The following BRMS1 variants were observed in gnomAD, a reference collection of about 807,000 sequenced individuals.
The protein encoded by BRMS1 is breast cancer metastasis-suppressor 1.
In BRMS1, 26 loss-of-function variants were observed where a neutral mutation model predicts 40.4. The observed-to-expected ratio is 0.64, with a 90% CI of 0.47 to 0.89. The LOEUF (loss-of-function observed/expected upper bound fraction) is 0.89, where lower values mean the gene tolerates loss of function less well. Ranked by LOEUF, BRMS1 falls within the 40% of genes least tolerant of loss-of-function variation. The pLI, the probability that BRMS1 is intolerant of heterozygous loss-of-function variation, is 0.00. For missense variants in BRMS1, 289 were observed against 309.4 expected, an observed-to-expected ratio of 0.93 and a Z score of 0.49; for synonymous variants, 103 against 116.0, an observed-to-expected ratio of 0.89 and a Z score of 0.72.
At chr11:66,338,604 C>T (rs1450997332) in intron 8 of BRMS1, 117 bp downstream of exon 8, 1 of 1,580,336 alleles carries the variant, frequency 6.3e-7, no homozygotes, top group South Asian at 1.1e-5. Flanking sequence ...GGACTCTGGG[C>T]TGAAGATGGG....
Position 66,337,552 on chromosome 11 carries a change from G to T in BRMS1, c.*330C>A. ...AGCCTGCATCCAACATCAGCAAGAGGATGTGGCTTTGACTTCGGCTGTCTT... is the reference window on the plus strand; with the variant it reads ...AGCCTGCATCCAACATCAGCAAGAGTATGTGGCTTTGACTTCGGCTGTCTT... On this transcript the variant is annotated 3_prime_UTR_variant, in exon 10 of 10. Coordinates refer to ENST00000359957, the MANE Select transcript of BRMS1 (RefSeq NM_015399.4). The T allele has an allele frequency of 1.2e-6, 1 of 836,546 alleles. No individual in the cohort carries two copies. Among genetic ancestry groups the T allele is most frequent in the Non-Finnish European group, 1.8e-6 (1 of 548,582 alleles). The allele number at this position is 836,546 out of a possible 1,614,324, so 51.8% of individuals were successfully genotyped here.
At chr11:66,338,855 C>G in intron 7 of BRMS1, 70 bp from the exon 8 acceptor site, 2 of 1,440,756 alleles carry the variant, frequency 1.4e-6, no homozygotes, top group Non-Finnish European at 1.9e-6. Context: ...ACCTGACATT[C>G]AGGAGTGGGG....
At chr11:66,338,014 C>A in intron 9 of BRMS1, 125 bp from the exon 10 acceptor site, 1 of 1,213,314 alleles carries the variant, frequency 8.2e-7, no homozygotes, top group East Asian at 2.4e-5. Flanking sequence ...ACAGCCCTCC[C>A]TGACCCCTCC....
Position 66,337,489 on chromosome 11 carries a change from G to A in BRMS1, c.*393C>T, listed in dbSNP as rs891664406. The A allele has an allele frequency of 2.3e-5, 14 of 605,746 alleles. No individual in the cohort carries two copies. Among genetic ancestry groups the A allele is most frequent in the South Asian group, 8.4e-5 (4 of 47,640 alleles). 37.5% of individuals were successfully genotyped at this position (605,746 alleles called of 1,614,324 possible). On this transcript the variant is annotated 3_prime_UTR_variant, in exon 10 of 10. Coordinates refer to ENST00000359957, the MANE Select transcript of BRMS1 (RefSeq NM_015399.4). Reference sequence around the variant, plus strand: ...TAATCACGTCTGACTCAGAGTTCCCGCACAGTGGAAACTGGCTCCCTGGCC... The same window carrying A: ...TAATCACGTCTGACTCAGAGTTCCCACACAGTGGAAACTGGCTCCCTGGCC...
In BRMS1 at chr11:66,341,553, C is replaced by G. The variant is rs759834920; in HGVS notation, c.210G>C (p.Gln70His). 18 of 1,614,026 alleles carry G rather than the reference C, an allele frequency of 1.1e-5. No individual in the cohort carries two copies. The highest frequency in any genetic ancestry group is 1.4e-5 in the Non-Finnish European group (17 of 1,180,024). Residue 70 changes from glutamine (Q) to histidine (H), a missense_variant, in exon 3 of 10, where the codon CAG (glutamine) becomes CAC (histidine). By Grantham distance (24) the Gln-to-His change is conservative. Coordinates refer to ENST00000359957, the MANE Select transcript of BRMS1 (RefSeq NM_015399.4). The surrounding 1 kb of genome is among the most constrained non-coding windows in gnomAD (Gnocchi z 4.9). ...CVSEMLDLEK[Q>H]FSELKEKLFR... ...CTCACTTCTCCTTTAGCTCCGAGAA[C>G]TGCTTCTCTAGGTCCAGCATCTCAC...
intron 1 of BRMS1, chr11:66,344,475 C>CTGTT (rs1855158259): frequency 6.6e-6 from 1 of 152,250 alleles, no homozygotes; most frequent in Non-Finnish European, 1.5e-5. Context: ...TGCCTCTTCA[C>CTGTT]TGTTAGTATA....
chr11:66,340,980 T>C lies in BRMS1; in HGVS notation c.425A>G (p.Lys142Arg). Residue 142 changes from lysine to arginine, a missense_variant, in exon 5 of 10, where the codon AAA becomes AGA. Lys to Arg is a conservative substitution (Grantham distance 26). Coordinates refer to ENST00000359957, the MANE Select transcript of BRMS1 (RefSeq NM_015399.4). The part of the protein sequence containing the change: ...NKYECELQGA[K>R]QHLESEKLLL... ...AATCAGGCCCACCTCCAGGTGCTGT[T>C]TGGCTCCCTGCAGCTCACATTCGTA... 1 of 1,614,142 alleles carries C rather than the reference T, an allele frequency of 6.2e-7. No individual in the cohort carries two copies. The highest frequency in any genetic ancestry group is 8.5e-7 in the Non-Finnish European group (1 of 1,180,010).
chr11:66,337,947 G>C, intron 9 of BRMS1, 58 bp from the exon 10 acceptor site: 3 of 1,558,442 alleles, frequency 1.9e-6, no homozygotes, highest in Non-Finnish European at 1.8e-6. Flanking sequence ...AAGGAAGGAG[G>C]CAGCCACTTA....
At chr11:66,338,971 C>T (rs1404766879) in intron 7 of BRMS1, among the ~76,000 whole-genome samples, 186 bp from the exon 8 acceptor site, 1 of 152,128 alleles carries the variant, frequency 6.6e-6, no homozygotes, top group Admixed American at 6.5e-5. Context: ...GGAACCAAGT[C>T]TATGGAGGAC....
intron 1 of BRMS1, among the ~76,000 whole-genome samples, chr11:66,343,106 T>C (rs190407407): frequency 6.6e-6 from 1 of 152,302 alleles, no homozygotes. Flanking sequence ...ACCTCACCCA[T>C]TCCACCTAAC....
At position 66,341,564 on chromosome 11, in the gene BRMS1, G is replaced by C. The variant is rs1431736990; in HGVS notation, c.199C>G (p.Leu67Val). The change falls in exon 3 of 10, where the codon CTA becomes GTA. Residue 67 changes from leucine to valine, a missense_variant. Coordinates refer to ENST00000359957, the MANE Select transcript of BRMS1 (RefSeq NM_015399.4). This position sits in a 1 kb window ranked among gnomAD's most constrained non-coding sequence, Gnocchi z 4.9. Reference protein sequence around the residue: ...RSECVSEMLDLEKQFSELKEK... With the variant: ...RSECVSEMLDVEKQFSELKEK... Reference sequence around the variant, plus strand: ...TTTAGCTCCGAGAACTGCTTCTCTAGGTCCAGCATCTCACTGACACACTCG... The same window carrying C: ...TTTAGCTCCGAGAACTGCTTCTCTACGTCCAGCATCTCACTGACACACTCG... 2 of 1,614,102 alleles carry C rather than the reference G, an allele frequency of 1.2e-6. No homozygotes were observed. The highest frequency in any genetic ancestry group is 1.7e-6 in the Non-Finnish European group (2 of 1,180,026).
intron 1 of BRMS1, among the ~76,000 whole-genome samples, chr11:66,342,481 A>T (rs1032717461): frequency 2.0e-5 from 3 of 152,248 alleles, no homozygotes; most frequent in South Asian, 2.1e-4. Flanking sequence ...TCCTAATCCT[A>T]GCAATACTGG....
At position 66,341,023 on chromosome 11, in the gene BRMS1, C is replaced by A. The variant is rs1855053654; in HGVS notation, c.382G>T (p.Asp128Tyr). 1 of 1,614,062 alleles carries A rather than the reference C, an allele frequency of 6.2e-7. No individual in the cohort carries two copies. The highest frequency in any genetic ancestry group is 1.3e-5 in the African/African-American group (1 of 75,048). Reference protein sequence around the residue: ...VAGIYKGFCLDVIRNKYECEL... With the variant: ...VAGIYKGFCLYVIRNKYECEL... Reference sequence around the variant, plus strand: ...CATTCGTACTTATTCCTGATCACATCCAGACAGAAGCCCTTGTAGATCCCT... The same window carrying A: ...CATTCGTACTTATTCCTGATCACATACAGACAGAAGCCCTTGTAGATCCCT... The change falls in exon 5 of 10, where the codon GAT becomes TAT. Residue 128 changes from aspartate to tyrosine, a missense_variant. Physicochemically the swap from Asp to Tyr is radical, Grantham distance 160. Transcript: ENST00000359957. The surrounding 1 kb of genome is among the most constrained non-coding windows in gnomAD (Gnocchi z 4.9).
chr11:66,341,931 T>TGTGTGTGC lies in BRMS1; in HGVS notation c.139+157_139+164dup. The TGTGTGTGC allele has an allele frequency of 1.3e-6, 1 of 759,532 alleles. No homozygotes were observed. The highest frequency in any genetic ancestry group is 3.7e-4 in the Middle Eastern group (1 of 2,718). The allele number at this position is 759,532 out of a possible 1,614,324, so 47.0% of individuals were successfully genotyped here. On this transcript the variant is annotated intron_variant, in intron 2 of 9. Transcript: ENST00000359957. The surrounding 1 kb of genome is among the most constrained non-coding windows in gnomAD (Gnocchi z 4.9). The stretch of plus-strand genomic sequence containing the variant: ...TGTGTGCGTGCTTGTGTGTAGGGGC[T>TGTGTGTGC]GTGTGTGCGTGTGTGCGCTTGTGTG...
Position 66,341,607 on chromosome 11 carries a change from G to A in BRMS1, c.156C>T (p.Asp52=), listed in dbSNP as rs376342780. 1.9e-6 allele frequency: 3 copies of A among 1,614,062 alleles called. No homozygotes were observed. The highest frequency in any genetic ancestry group is 1.3e-5 in the African/African-American group (1 of 75,056). The change falls in exon 3 of 10, where the codon GAC becomes GAT. Residue 52 remains aspartate, a synonymous_variant. Transcript: ENST00000359957. This position sits in a 1 kb window ranked among gnomAD's most constrained non-coding sequence, Gnocchi z 4.9. ...CACACTCGCTGCGGCGTCGCTCATA[G>A]TCCTCATCATCCATCTCTGGGACAA... ...EEESSEMDDE[D]YERRRSECVS...
intron 1 of BRMS1, among the ~76,000 whole-genome samples, chr11:66,342,549 A>C (rs976990014): frequency 2.0e-5 from 3 of 152,180 alleles, no homozygotes; most frequent in African/African-American, 7.2e-5. Context: ...CTGCCTTTGC[A>C]ACTGGACCTA....
At position 66,341,939 on chromosome 11, in the gene BRMS1, CGT is replaced by C. The variant is rs796900255; in HGVS notation, c.139+155_139+156del. ...TGCTTGTGTGTAGGGGCTGTGTGTG[CGT>C]GTGTGCGCTTGTGTGCAGGGTCTGT... is the stretch of plus-strand genomic sequence containing the variant. On this transcript the variant is annotated intron_variant, in intron 2 of 9. Coordinates refer to ENST00000359957, the MANE Select transcript of BRMS1 (RefSeq NM_015399.4). The surrounding 1 kb of genome is among the most constrained non-coding windows in gnomAD (Gnocchi z 4.9). 2.8e-4 allele frequency: 216 copies of C among 761,066 alleles called. No homozygotes were observed. The highest frequency in any genetic ancestry group is 9.8e-4 in the African/African-American group (49 of 50,220). 47.1% of individuals were successfully genotyped at this position (761,066 alleles called of 1,614,324 possible).
rs767755816 is a variant in BRMS1 at position 66,341,281 on chromosome 11, C to T, written c.283G>A (p.Ala95Thr). The stretch of plus-strand genomic sequence containing the variant: ...TCCGTGTATTCAGGGGCTCTCTCAG[C>T]CCCCACTTCCTCCAGCCGCAACCGC... Reference protein sequence around the residue: ...QLRLRLEEVGAERAPEYTEPL... With the variant: ...QLRLRLEEVGTERAPEYTEPL... The change falls in exon 4 of 10, where the codon GCT (alanine) becomes ACT (threonine). Residue 95 changes from alanine to threonine, a missense_variant. Ala to Thr is a moderately conservative substitution (Grantham distance 58). Transcript: ENST00000359957. The surrounding 1 kb of genome is among the most constrained non-coding windows in gnomAD (Gnocchi z 4.9). 2.9e-5 allele frequency: 47 copies of T among 1,613,624 alleles called. No homozygotes were observed. In the East Asian group the frequency reaches 1.0e-3, roughly 34 times the overall value.
intron 1 of BRMS1, among the ~76,000 whole-genome samples, chr11:66,343,251 T>A (rs953325274): frequency 6.6e-6 from 1 of 151,854 alleles, no homozygotes; most frequent in African/African-American, 2.4e-5. Flanking sequence ...AATGACTTCC[T>A]TGTGGCTAAT....
Sources: allele counts gnomAD v4.1 joint callset (sites outside exome capture counted in the v4.1 genomes callset), GRCh38; gene constraint gnomAD v4.1.1; non-coding constraint Gnocchi (gnomAD v3.1); transcripts MANE v1.5; gene names NCBI Gene and HGNC (gene_info 2026-07-23, HGNC 2026-07-21).